MGAT5: variants seen among roughly 807,000 people sequenced by gnomAD.
MGAT5 encodes alpha-1,6-mannosylglycoprotein 6-beta-N-acetylglucosaminyltransferase A.
MGAT5 carries 30 observed loss-of-function variants against 94.3 expected under a neutral mutation model. That is an observed-to-expected ratio of 0.32 (90% CI 0.24 to 0.43). MGAT5 has a LOEUF of 0.43. MGAT5 is among the 20% of genes least tolerant of loss of function. The pLI, the probability that MGAT5 is intolerant of heterozygous loss-of-function variation, is 1.00. For missense variants in MGAT5, 691 were observed against 905.5 expected (o/e 0.76, Z 3.04); for synonymous variants, 310 against 322.9 (o/e 0.96, Z 0.43).
rs1407720289 is a variant in MGAT5, at chr2:134,448,670, C to T, written c.2049C>T (p.Ser683=). The T allele has an allele frequency of 6.2e-7, 1 of 1,614,214 alleles. No homozygotes were observed. Among genetic ancestry groups the T allele is most frequent in the Non-Finnish European group, 8.5e-7 (1 of 1,180,026 alleles). ...DMLKYKVTCQ[S]SELAKDILVP... ...TCAGGTACAAGGTGACCTGCCAAAG[C>T]TCAGAGCTGGCCAAGGACATCCTGG... The change falls in exon 16 of 16, where the codon AGC becomes AGT. Residue 683 remains serine (S), a synonymous_variant. Transcript: ENST00000281923.
intron 1 of MGAT5, among the ~76,000 whole-genome samples, chr2:134,166,159 C>A (rs768718490): frequency 6.6e-6 from 1 of 152,084 alleles, no homozygotes; most frequent in Non-Finnish European, 1.5e-5. Flanking sequence ...TCTTTTCACA[C>A]GTATTGAGCC....
At chr2:134,407,813 C>G in intron 11 of MGAT5, among the ~76,000 whole-genome samples, 1 of 151,986 alleles carries the variant, frequency 6.6e-6, no homozygotes, top group East Asian at 1.9e-4. Context: ...GTGGGGCCAA[C>G]AGTTCAGTTG....
intron 2 of MGAT5, among the ~76,000 whole-genome samples, chr2:134,272,374 T>G (rs963284956): frequency 2.0e-5 from 3 of 151,898 alleles, no homozygotes; most frequent in Non-Finnish European, 4.4e-5. Context: ...GTTTTGTTTT[T>G]TTTTTCCTTT....
intron 1 of MGAT5, among the ~76,000 whole-genome samples, chr2:134,230,723 G>A (rs936005150): frequency 2.6e-5 from 4 of 152,088 alleles, no homozygotes; most frequent in African/African-American, 9.7e-5. Flanking sequence ...AAATGGTGTA[G>A]CTACTGTGGA....
At chr2:134,241,429 G>T (rs891034519) in intron 1 of MGAT5, among the ~76,000 whole-genome samples, 2 of 152,184 alleles carry the variant, frequency 1.3e-5, no homozygotes, top group African/African-American at 4.8e-5. Flanking sequence ...CTAATTGGGG[G>T]TTGTAAGTAG....
chr2:134,296,589 T>C (rs1330019940), intron 2 of MGAT5, among the ~76,000 whole-genome samples: 2 of 152,268 alleles, frequency 1.3e-5, no homozygotes, highest in East Asian at 3.9e-4. Flanking sequence ...CTTAGTCTTA[T>C]AAAGTACATA....
Position 134,441,621 on chromosome 2 carries a change from C to T in MGAT5, c.1870-137C>T, listed in dbSNP as rs549014489. On this transcript the variant is annotated intron_variant, in intron 14 of 15. Transcript: ENST00000281923. ...ATTCCAGCTGAGCCCCAATCCAGCC[C>T]ATCCATGTGGCTCCCAACTCTTCCC... 1.8e-4 allele frequency: 182 copies of T among 1,024,642 alleles called. 1 individual carries two copies. In the African/African-American group the frequency reaches 2.8e-3, roughly 16 times the overall value. 63.5% of individuals were successfully genotyped at this position (1,024,642 alleles called of 1,614,324 possible).
At chr2:134,280,352 C>T (rs748506232) in intron 2 of MGAT5, among the ~76,000 whole-genome samples, 4 of 152,168 alleles carry the variant, frequency 2.6e-5, no homozygotes, top group Non-Finnish European at 4.4e-5. Flanking sequence ...GCAAGTCTCA[C>T]GTGTGGGATC....
intron 11 of MGAT5, 141 bp from the exon 12 acceptor site, chr2:134,412,728 C>G (rs1037310515): frequency 1.3e-5 from 14 of 1,039,678 alleles, no homozygotes; most frequent in South Asian, 4.8e-5. Flanking sequence ...TGCCCCACCC[C>G]CCAGGGCCTG....
chr2:134,139,637 C>T (rs1179715475), intron 1 of MGAT5, among the ~76,000 whole-genome samples: 2 of 152,184 alleles, frequency 1.3e-5, no homozygotes, highest in Admixed American at 1.3e-4. Flanking sequence ...TGAAAAACCT[C>T]GCACAGTATC....
chr2:134,314,829 G>A (rs527947611), intron 2 of MGAT5, among the ~76,000 whole-genome samples: 1 of 152,194 alleles, frequency 6.6e-6, no homozygotes, highest in South Asian at 2.1e-4. Context: ...CAGAAACGAG[G>A]GGCCTTGCTT....
intron 2 of MGAT5, among the ~76,000 whole-genome samples, chr2:134,294,561 A>G (rs888093328): frequency 6.6e-6 from 1 of 152,232 alleles, no homozygotes; most frequent in African/African-American, 2.4e-5. Context: ...GGTGTAAAAA[A>G]TAGAGGTTCC....
rs201562248 is a variant in MGAT5 at position 134,399,552 on chromosome 2, A to AG, written c.1381-3430dup. 5.5e-3 allele frequency among the ~76,000 whole-genome samples: 836 copies of AG among 152,320 alleles called. 7 individuals are homozygous for AG. Among genetic ancestry groups the AG allele is most frequent in the African/African-American group, 0.019 (800 of 41,578 alleles). On this transcript the variant is annotated intron_variant, in intron 10 of 15. Transcript: ENST00000281923. ...AATTGAACTAGAGAATAAAAGCATT[A>AG]GGGGGGTTGCTGGTTGCTCAGCTGG...
intron 14 of MGAT5, among the ~76,000 whole-genome samples, chr2:134,435,481 A>T (rs1426625104): frequency 1.3e-5 from 2 of 152,180 alleles, no homozygotes; most frequent in Non-Finnish European, 2.9e-5. Flanking sequence ...TTTCTAGAAT[A>T]CTTACCACCT....
At chr2:134,448,422 A>G (rs1685915260) in intron 15 of MGAT5, among the ~76,000 whole-genome samples, 1 of 152,082 alleles carries the variant, frequency 6.6e-6, no homozygotes, top group South Asian at 2.1e-4. Context: ...GGCAGCCTCA[A>G]ACACACACCC....
chr2:134,355,896 G>A (rs1028597661), intron 9 of MGAT5, among the ~76,000 whole-genome samples: 9 of 151,980 alleles, frequency 5.9e-5, no homozygotes, highest in African/African-American at 2.2e-4. Context: ...CCCCATCCCT[G>A]GTTTCAGATC....
In MGAT5 at chr2:134,402,974, GT is replaced by G. The variant is rs750688273; in HGVS notation, c.1381-10del. 4.4e-6 allele frequency: 7 copies of G among 1,578,916 alleles called. No individual in the cohort carries two copies. The African/African-American group carries it at 9.6e-5, about 22-fold the overall frequency. ...AGAAAAAGAGAAATGTCTTGTGCTT[GT>G]TTTCTTCTTTAGAATAAGAAGATCT... On this transcript the variant is annotated splice_polypyrimidine_tract_variant and intron_variant, in intron 10 of 15. Transcript: ENST00000281923.
intron 14 of MGAT5, among the ~76,000 whole-genome samples, chr2:134,441,117 CTAAG>C (rs1685464287): frequency 6.6e-6 from 1 of 152,178 alleles, no homozygotes. Flanking sequence ...ATTGACGACA[CTAAG>C]TGAGGACTTA....
chr2:134,334,496 C>CTTTTT (rs59933611), intron 4 of MGAT5, among the ~76,000 whole-genome samples: 4,731 of 34,064 alleles, frequency 0.14, 1,230 homozygotes, highest in Middle Eastern at 0.3. Flanking sequence ...CTTGCTCATC[C>CTTTTT]TTTTTTTTTT....
Sources: gnomAD v4.1 joint callset for allele counts (sites outside exome capture counted in the v4.1 genomes callset) on GRCh38, gnomAD v4.1.1 for gene constraint, MANE v1.5 for transcripts, NCBI Gene and HGNC (gene_info 2026-07-23, HGNC 2026-07-21) for gene names.